KLHL1: variants seen among roughly 807,000 people sequenced by gnomAD.
KLHL1 encodes the protein kelch like family member 1.
Under a neutral mutation model 77.7 loss-of-function variants are expected in KLHL1, and 47 were observed. That is an observed-to-expected ratio of 0.60 (90% CI 0.48 to 0.77). The LOEUF is 0.77. KLHL1 is among the 30% of genes least tolerant of loss of function. KLHL1 has a pLI of 0.00. For synonymous variants in KLHL1, 360 were observed against 325.2 expected, an observed-to-expected ratio of 1.11 and a Z score of -1.15; for missense variants, 925 against 910.8, an observed-to-expected ratio of 1.02 and a Z score of -0.20.
intron 1 of KLHL1, among the ~76,000 whole-genome samples, chr13:70,088,254 C>T (rs1005478915): frequency 6.6e-6 from 1 of 151,954 alleles, no homozygotes. Flanking sequence ...GTAAATGTAG[C>T]CTGGAGAAGT....
At chr13:69,919,228 A>G (rs1882550224) in intron 4 of KLHL1, among the ~76,000 whole-genome samples, 1 of 152,194 alleles carries the variant, frequency 6.6e-6, no homozygotes, top group South Asian at 2.1e-4. Flanking sequence ...ATTCTTTCAA[A>G]GCATCTGTGT....
At chr13:69,872,852 C>G (rs1344559781) in intron 5 of KLHL1, among the ~76,000 whole-genome samples, 1 of 151,476 alleles carries the variant, frequency 6.6e-6, no homozygotes, top group Non-Finnish European at 1.5e-5. Flanking sequence ...GGGACAGCAC[C>G]AGCCATTCAT....
At chr13:69,953,131 C>G (rs1883763320) in intron 3 of KLHL1, among the ~76,000 whole-genome samples, 2 of 150,688 alleles carry the variant, frequency 1.3e-5, no homozygotes, top group Non-Finnish European at 3.0e-5. Context: ...TATGATTCTT[C>G]TTCAGATTAA....
At chr13:69,759,741 T>C (rs1874932749) in intron 7 of KLHL1, among the ~76,000 whole-genome samples, 2 of 152,110 alleles carry the variant, frequency 1.3e-5, no homozygotes, top group African/African-American at 4.8e-5. Flanking sequence ...TTAGGTGAAA[T>C]AAGATAGAAA....
intron 1 of KLHL1, among the ~76,000 whole-genome samples, chr13:70,016,657 T>C (rs1380606944): frequency 2.0e-5 from 3 of 152,130 alleles, no homozygotes; most frequent in Non-Finnish European, 4.4e-5. Flanking sequence ...AGCACAGGCC[T>C]GCAGGTGCCC....
chr13:70,015,956 G>A lies in KLHL1; in HGVS notation c.498-40154C>T, dbSNP rs548983602. 4.6e-5 allele frequency among the ~76,000 whole-genome samples: 7 copies of A among 152,200 alleles called. No homozygotes were observed. The South Asian group carries it at 1.0e-3, about 23-fold the overall frequency. On this transcript the variant is annotated intron_variant, in intron 1 of 10. Coordinates refer to ENST00000377844, the MANE Select transcript of KLHL1 (RefSeq NM_020866.3). ...TTCACTTTGACTACATTTCTATGGG[G>A]TAGACCCTTAAGTTTTAAATTATTT...
At chr13:69,737,144 T>C (rs1873797984) in intron 8 of KLHL1, among the ~76,000 whole-genome samples, 1 of 152,200 alleles carries the variant, frequency 6.6e-6, no homozygotes, top group African/African-American at 2.4e-5. Flanking sequence ...CTACCCCTCC[T>C]TGAAAACTAT....
intron 9 of KLHL1, among the ~76,000 whole-genome samples, chr13:69,715,130 G>A (rs77667178): frequency 0.086 from 13,027 of 152,146 alleles, 734 homozygotes; most frequent in African/African-American, 0.16. Flanking sequence ...TATTGTATCA[G>A]CTAACGATTG....
At chr13:69,723,276 A>G (rs1015546243) in intron 8 of KLHL1, among the ~76,000 whole-genome samples, 1 of 152,110 alleles carries the variant, frequency 6.6e-6, no homozygotes, top group Non-Finnish European at 1.5e-5. Context: ...AGTGACTACG[A>G]CTAACAATAA....
intron 4 of KLHL1, among the ~76,000 whole-genome samples, chr13:69,917,979 G>T (rs1441451866): frequency 6.6e-6 from 1 of 152,042 alleles, no homozygotes; most frequent in Admixed American, 6.6e-5. Flanking sequence ...CCACAGCACT[G>T]ATTCCTAAAA....
intron 5 of KLHL1, among the ~76,000 whole-genome samples, chr13:69,862,664 A>G (rs1186957315): frequency 6.6e-6 from 1 of 151,682 alleles, no homozygotes; most frequent in Non-Finnish European, 1.5e-5. Flanking sequence ...TTAGAGAAAG[A>G]GCCTTTAAGG....
chr13:69,782,905 AC>A (rs1876304507), intron 7 of KLHL1, among the ~76,000 whole-genome samples: 1 of 152,118 alleles, frequency 6.6e-6, no homozygotes, highest in Non-Finnish European at 1.5e-5. Context: ...ACTGGGAGGC[AC>A]CCCCAAGTAG....
Position 69,729,818 on chromosome 13 carries a change from G to T in KLHL1, c.1803-10237C>A, listed in dbSNP as rs1326303896. ...CCATTCAAAACATTTTCACAGAATA[G>T]AATTAAAATTCATATTTAATTAAAG... On this transcript the variant is annotated intron_variant, in intron 8 of 10. Transcript: ENST00000377844. Among the ~76,000 whole-genome samples, 2 of 152,002 alleles carry T rather than the reference G, an allele frequency of 1.3e-5. 1 individual carries two copies. Among genetic ancestry groups the T allele is most frequent in the Middle Eastern group, 6.3e-3 (2 of 316 alleles).
At chr13:69,848,107 G>C (rs1879541617) in intron 5 of KLHL1, among the ~76,000 whole-genome samples, 2 of 151,528 alleles carry the variant, frequency 1.3e-5, no homozygotes, top group Middle Eastern at 3.4e-3. Flanking sequence ...AGTGAGCCGT[G>C]GCTAGGACTG....
At chr13:69,767,306 G>C (rs1875353792) in intron 7 of KLHL1, among the ~76,000 whole-genome samples, 1 of 152,104 alleles carries the variant, frequency 6.6e-6, no homozygotes, top group South Asian at 2.1e-4. Context: ...AGGATCATTA[G>C]GAAAAACCTA....
intron 5 of KLHL1, among the ~76,000 whole-genome samples, chr13:69,867,915 A>C (rs1045514963): frequency 7.9e-5 from 12 of 151,902 alleles, no homozygotes; most frequent in Non-Finnish European, 1.5e-4. Context: ...TAACGAGTTA[A>C]TGGGTGCAGC....
At chr13:69,926,482 T>C (rs953692393) in intron 4 of KLHL1, among the ~76,000 whole-genome samples, 3 of 152,162 alleles carry the variant, frequency 2.0e-5, no homozygotes, top group African/African-American at 7.2e-5. Context: ...CTCATGTCCA[T>C]AGATCAGTAA....
chr13:69,922,771 A>G (rs1566405468), intron 4 of KLHL1, among the ~76,000 whole-genome samples: 5 of 152,146 alleles, frequency 3.3e-5, no homozygotes, highest in Admixed American at 1.3e-4. Context: ...GAGTTTCACC[A>G]TTGAAAGAGA....
At chr13:69,829,206 C>G (rs972143776) in intron 6 of KLHL1, among the ~76,000 whole-genome samples, 2 of 150,134 alleles carry the variant, frequency 1.3e-5, no homozygotes, top group African/African-American at 5.0e-5. Context: ...ATTCACTTCA[C>G]TCCCCTACTA....
Sources: gnomAD v4.1 joint callset for allele counts (sites outside exome capture counted in the v4.1 genomes callset) on GRCh38, gnomAD v4.1.1 for gene constraint, MANE v1.5 for transcripts, NCBI Gene and HGNC (gene_info 2026-07-23, HGNC 2026-07-21) for gene names.